EXOC6B: variants seen among roughly 807,000 people sequenced by gnomAD.
EXOC6B encodes exocyst complex component 6B.
In EXOC6B, 54 loss-of-function variants were observed where a neutral mutation model predicts 113.5. That is an observed-to-expected ratio of 0.48 (90% CI 0.38 to 0.60). The LOEUF (loss-of-function observed/expected upper bound fraction) is 0.60, where lower values mean the gene tolerates loss of function less well. EXOC6B is among the 20% of genes least tolerant of loss of function. The pLI is 0.00. For missense variants in EXOC6B, 797 were observed against 977.5 expected (o/e 0.82, Z 2.46); for synonymous variants, 357 against 339.0 (o/e 1.05, Z -0.58).
intron 18 of EXOC6B, among the ~76,000 whole-genome samples, chr2:72,428,402 C>A (rs927208295): frequency 5.9e-5 from 9 of 152,174 alleles, no homozygotes; most frequent in Admixed American, 5.9e-4. Flanking sequence ...TCCCTGGTAC[C>A]AGCTGGGGAA....
chr2:72,691,532 T>A (rs539468308), intron 6 of EXOC6B, among the ~76,000 whole-genome samples: 2 of 152,122 alleles, frequency 1.3e-5, no homozygotes, highest in Non-Finnish European at 2.9e-5. Flanking sequence ...GGTTAATCAA[T>A]AATATTTTAT....
At chr2:72,554,588 C>T (rs1703429670) in intron 8 of EXOC6B, among the ~76,000 whole-genome samples, 1 of 152,268 alleles carries the variant, frequency 6.6e-6, no homozygotes, top group East Asian at 1.9e-4. Flanking sequence ...CCTTTCACCA[C>T]AATTATAAGT....
chr2:72,807,713 G>A (rs943456128), intron 1 of EXOC6B, among the ~76,000 whole-genome samples: 1 of 152,070 alleles, frequency 6.6e-6, no homozygotes, highest in African/African-American at 2.4e-5. Context: ...TACAACTGGA[G>A]GTCATTTATT....
At chr2:72,709,047 ATTAAAATTTAAAAAAAAAAACTAC>A (rs1679087228) in intron 6 of EXOC6B, among the ~76,000 whole-genome samples, 1 of 150,692 alleles carries the variant, frequency 6.6e-6, no homozygotes, top group Non-Finnish European at 1.5e-5. Context: ...ACAGCTTATA[ATTAAAATTTAAAAAAAAAAACTAC>A]TTTAGGGTTA....
intron 1 of EXOC6B, among the ~76,000 whole-genome samples, chr2:72,756,586 T>A (rs1381857875): frequency 6.6e-6 from 1 of 152,200 alleles, no homozygotes; most frequent in African/African-American, 2.4e-5. Context: ...AAGGTTAAAT[T>A]CAGCCCAAAA....
In EXOC6B at chr2:72,379,923, A is replaced by G. The variant is rs1691587276; in HGVS notation, c.1981-53T>C. On this transcript the variant is annotated intron_variant, in intron 18 of 21. Transcript: ENST00000272427. ...GTTAATGCATCTAACATAAATTAAA[A>G]TAAAATTTCAACAAAACTTAAAATT... is the stretch of plus-strand genomic sequence containing the variant. 1.7e-5 allele frequency: 25 copies of G among 1,469,680 alleles called. No individual in the cohort carries two copies. In the South Asian group the frequency reaches 3.4e-4, roughly 20 times the overall value. 91.0% of individuals were successfully genotyped at this position (1,469,680 alleles called of 1,614,324 possible). A position where few individuals can be genotyped will look rare whatever the true frequency, so the allele number is the denominator to read the frequency against.
intron 5 of EXOC6B, among the ~76,000 whole-genome samples, chr2:72,728,670 T>G (rs1217872645): frequency 1.3e-5 from 2 of 152,166 alleles, no homozygotes; most frequent in Non-Finnish European, 2.9e-5. Context: ...AAGAGAACTC[T>G]GGAGCAAAAT....
In EXOC6B at chr2:72,653,970, ATTT is replaced by A. The variant is rs58589218; in HGVS notation, c.669+64130_669+64132del. On this transcript the variant is annotated intron_variant, in intron 6 of 21. Coordinates refer to ENST00000272427, the MANE Select transcript of EXOC6B (RefSeq NM_015189.3). ...TGGTACAATGTCATGAATTTTATTT[ATTT>A]TTTTTTTTTTTTTTGAGACGGAGTC... 6.3e-3 allele frequency among the ~76,000 whole-genome samples: 865 copies of A among 136,428 alleles called. 5 individuals carry two copies. The highest frequency in any genetic ancestry group is 0.011 in the Non-Finnish European group (664 of 63,108). 89.5% of individuals were successfully genotyped at this position (136,428 alleles called of 152,430 possible).
chr2:72,629,069 T>C (rs1238823482), intron 6 of EXOC6B, among the ~76,000 whole-genome samples: 2 of 152,208 alleles, frequency 1.3e-5, no homozygotes, highest in African/African-American at 4.8e-5. Flanking sequence ...ACAAAAGTTT[T>C]CTGTGTTCTA....
At chr2:72,507,554 C>T (rs1274602679) in intron 11 of EXOC6B, among the ~76,000 whole-genome samples, 1 of 152,010 alleles carries the variant, frequency 6.6e-6, no homozygotes, top group African/African-American at 2.4e-5. Context: ...ACATCCTGCA[C>T]ATGTACCCCA....
At chr2:72,707,709 G>A (rs1355678046) in intron 6 of EXOC6B, among the ~76,000 whole-genome samples, 1 of 152,034 alleles carries the variant, frequency 6.6e-6, no homozygotes, top group Non-Finnish European at 1.5e-5. Context: ...ACCGCACCCA[G>A]CCTATTTTTC....
At chr2:72,463,263 G>A (rs997743137) in intron 18 of EXOC6B, 1 of 151,910 alleles carries the variant, frequency 6.6e-6, no homozygotes, top group African/African-American at 2.4e-5. Context: ...TTTTTGTCTG[G>A]CTTTGGTATC....
chr2:72,691,409 A>G (rs1019428531), intron 6 of EXOC6B, among the ~76,000 whole-genome samples: 1 of 152,160 alleles, frequency 6.6e-6, no homozygotes, highest in Non-Finnish European at 1.5e-5. Flanking sequence ...AAATTAATAA[A>G]TCTACCGAGA....
At chr2:72,502,021 C>A (rs905142876) in intron 11 of EXOC6B, among the ~76,000 whole-genome samples, 29 of 151,978 alleles carry the variant, frequency 1.9e-4, no homozygotes, top group African/African-American at 6.3e-4. Context: ...CCTTGGCCTC[C>A]CAAAGTACTG....
At position 72,678,372 on chromosome 2, in the gene EXOC6B, G is replaced by A. The variant is rs372367426; in HGVS notation, c.669+39731C>T. 9.9e-5 allele frequency among the ~76,000 whole-genome samples: 15 copies of A among 152,230 alleles called. No individual in the cohort carries two copies. The South Asian group carries it at 2.7e-3, about 27-fold the overall frequency. Reference sequence around the variant, plus strand: ...TCACTGCCCAGTAGTGAAACAGTGCGGCTAGAGGTCCACCAGGAAGGAGAT... The same window carrying A: ...TCACTGCCCAGTAGTGAAACAGTGCAGCTAGAGGTCCACCAGGAAGGAGAT... On this transcript the variant is annotated intron_variant, in intron 6 of 21. Coordinates refer to ENST00000272427, the MANE Select transcript of EXOC6B (RefSeq NM_015189.3).
intron 8 of EXOC6B, among the ~76,000 whole-genome samples, chr2:72,553,605 T>C (rs1703363941): frequency 6.6e-6 from 1 of 152,058 alleles, no homozygotes; most frequent in African/African-American, 2.4e-5. Flanking sequence ...ATATTGAAAT[T>C]TAGTATATGC....
chr2:72,232,445 T>C (rs1681687372), intron 20 of EXOC6B, among the ~76,000 whole-genome samples: 1 of 152,222 alleles, frequency 6.6e-6, no homozygotes, highest in African/African-American at 2.4e-5. Flanking sequence ...TAGTTTAACC[T>C]AGTAATTCTT....
chr2:72,418,428 G>A (rs1468736022), intron 18 of EXOC6B, among the ~76,000 whole-genome samples: 1 of 152,114 alleles, frequency 6.6e-6, no homozygotes, highest in Non-Finnish European at 1.5e-5. Context: ...GTTTCCCACT[G>A]TTATTGCAGA....
chr2:72,241,225 A>G (rs537092669), intron 20 of EXOC6B, among the ~76,000 whole-genome samples: 1 of 152,332 alleles, frequency 6.6e-6, no homozygotes, highest in South Asian at 2.1e-4. Context: ...ACACTGTAAC[A>G]GAAATGTAGA....
Sources: gnomAD v4.1 joint callset for allele counts (sites outside exome capture counted in the v4.1 genomes callset) on GRCh38, gnomAD v4.1.1 for gene constraint, MANE v1.5 for transcripts, NCBI Gene and HGNC (gene_info 2026-07-23, HGNC 2026-07-21) for gene names.